Variants in CD300LG observed in about 807,000 individuals in gnomAD.
CD300LG encodes CD300 molecule like family member g, also known as CMRF35-like molecule 9.
CD300LG carries 29 observed loss-of-function variants against 31.5 expected under a neutral mutation model. That is an observed-to-expected ratio of 0.92 (90% CI 0.68 to 1.25). The LOEUF (loss-of-function observed/expected upper bound fraction) is 1.25, where lower values mean the gene tolerates loss of function less well. CD300LG is among the 50% of genes most tolerant of loss of function. The pLI is 0.00. For synonymous variants in CD300LG, 175 were observed against 177.2 expected, an observed-to-expected ratio of 0.99 and a Z score of 0.10; for missense variants, 396 against 417.6, an observed-to-expected ratio of 0.95 and a Z score of 0.45.
At chr17:43,854,390 G>C (rs1030779661) in intron 4 of CD300LG, among the ~76,000 whole-genome samples, 1 of 152,206 alleles carries the variant, frequency 6.6e-6, no homozygotes, top group Admixed American at 6.5e-5. Context: ...GAGTCCAAAA[G>C]AAAACAATTT....
intron 2 of CD300LG, 73 bp from the exon 3 acceptor site, chr17:43,852,839 C>T: frequency 4.0e-6 from 5 of 1,258,332 alleles, no homozygotes; most frequent in Non-Finnish European, 5.6e-6. Flanking sequence ...GGAAAACTGC[C>T]AGCTGCTCCC....
At chr17:43,851,783 C>G (rs1288784598) in intron 2 of CD300LG, among the ~76,000 whole-genome samples, 1 of 151,794 alleles carries the variant, frequency 6.6e-6, no homozygotes, top group East Asian at 1.9e-4. Context: ...TCTCGATCTC[C>G]TGACCTTGTG....
chr17:43,849,196 A>G (rs2046277954), intron 2 of CD300LG: 2 of 538,110 alleles, frequency 3.7e-6, no homozygotes, highest in Admixed American at 3.3e-5. Flanking sequence ...GGAGATTTCC[A>G]TAGGCTGGGT....
At position 43,853,873 on chromosome 17, in the gene CD300LG, C is replaced by G; in HGVS notation, c.548C>G (p.Pro183Arg). 3 of 1,614,148 alleles carry G rather than the reference C, an allele frequency of 1.9e-6. No homozygotes were observed. Among genetic ancestry groups the G allele is most frequent in the Admixed American group, 3.3e-5 (2 of 60,034 alleles). ...KQGKTGAEAP[P>R]LPGTSQYGHE... ...GGGAAGACAGGGGCTGAGGCCCCTC[C>G]ATTGCCAGGGACTTCCCAGTACGGG... is the stretch of plus-strand genomic sequence containing the variant. The change falls in exon 4 of 7, where the codon CCA becomes CGA. Residue 183 changes from proline to arginine, a missense_variant. Transcript: ENST00000317310.
chr17:43,858,496 T>A (rs2143404249), intron 6 of CD300LG: 1 of 985,364 alleles, frequency 1.0e-6, no homozygotes, highest in Non-Finnish European at 1.2e-6. Flanking sequence ...TTTTCCTGCC[T>A]GAGGCTCCTG....
chr17:43,855,352 G>T (rs1176533662), intron 5 of CD300LG, 33 bp downstream of exon 5: 1 of 1,374,716 alleles, frequency 7.3e-7, no homozygotes, highest in South Asian at 1.4e-5. Flanking sequence ...AAGGCGGGAG[G>T]CTCACTGGGC....
rs746452558 is a variant in CD300LG, at chr17:43,848,994, A to G, written c.379+101A>G. ...CCTGGTACCAACATTATGGGCACTG[A>G]GTCCTCAGGGAGATCATGCAGGTCA... On this transcript the variant is annotated intron_variant, in intron 2 of 6. Coordinates refer to ENST00000317310, the MANE Select transcript of CD300LG (RefSeq NM_145273.4). The G allele has an allele frequency of 5.1e-5, 53 of 1,046,986 alleles. No homozygotes were observed. The African/African-American group carries it at 5.4e-4, about 11-fold the overall frequency. The allele number at this position is 1,046,986 out of a possible 1,614,324, so 64.9% of individuals were successfully genotyped here. A position where few individuals can be genotyped will look rare whatever the true frequency, so the allele number is the denominator to read the frequency against.
chr17:43,861,792 T>C lies in CD300LG; in HGVS notation c.886-6T>C. The C allele has an allele frequency of 1.3e-6, 2 of 1,590,684 alleles. No individual in the cohort carries two copies. The highest frequency in any genetic ancestry group is 1.7e-6 in the Non-Finnish European group (2 of 1,168,964). ...TGCTCTCCAAACCCCACTGTTGTCTTTACAGACTGCGGAGGAAAAGGAAGC... is the reference window on the plus strand; with the variant it reads ...TGCTCTCCAAACCCCACTGTTGTCTCTACAGACTGCGGAGGAAAAGGAAGC... On this transcript the variant is annotated splice_polypyrimidine_tract_variant and splice_region_variant and intron_variant, in intron 6 of 6. Coordinates refer to ENST00000317310, the MANE Select transcript of CD300LG (RefSeq NM_145273.4).
At chr17:43,848,364 A>G (rs1229355747) in intron 1 of CD300LG, among the ~76,000 whole-genome samples, 194 bp from the exon 2 acceptor site, 1 of 152,208 alleles carries the variant, frequency 6.6e-6, no homozygotes, top group East Asian at 1.9e-4. Context: ...TCAATGGGCC[A>G]GGGTTAGGGA....
chr17:43,851,133 C>CAAAAAAAAAAAAAAAA (rs777282117), intron 2 of CD300LG, among the ~76,000 whole-genome samples: 1 of 40,614 alleles, frequency 2.5e-5, no homozygotes, highest in African/African-American at 9.3e-5. Context: ...GACTCAGTCT[C>CAAAAAAAAAAAAAAAA]AAAAAAAAAA....
Position 43,852,931 on chromosome 17 carries a change from C to T in CD300LG, c.399C>T (p.Ser133=), listed in dbSNP as rs1326946379. Residue 133 remains serine (S), a synonymous_variant, in exon 3 of 7, where the codon TCC becomes TCT. Coordinates refer to ENST00000317310, the MANE Select transcript of CD300LG (RefSeq NM_145273.4). The stretch of plus-strand genomic sequence containing the variant: ...CTCTAGGACCCTGCTGTCCTCCCTC[C>T]CCTTCTCCCACCTTCCAGCCTCTGG... ...FVFPGPCCPP[S]PSPTFQPLAT... is the part of the protein sequence containing the mutation. 1 of 1,612,712 alleles carries T rather than the reference C, an allele frequency of 6.2e-7. No individual in the cohort carries two copies.
chr17:43,860,829 A>G (rs377007634), intron 6 of CD300LG, among the ~76,000 whole-genome samples: 7 of 152,330 alleles, frequency 4.6e-5, no homozygotes, highest in African/African-American at 7.2e-5. Flanking sequence ...GTCATTCCAG[A>G]ATTTCTCATT....
intron 6 of CD300LG, chr17:43,858,232 T>C (rs2046580725): frequency 1.9e-6 from 2 of 1,080,956 alleles, no homozygotes; most frequent in African/African-American, 1.6e-5. Context: ...TGTTGTTGTC[T>C]CAGGAAGCTC....
At chr17:43,861,169 G>A in intron 6 of CD300LG, 1 of 985,370 alleles carries the variant, frequency 1.0e-6, no homozygotes, top group Non-Finnish European at 1.2e-6. Flanking sequence ...AGGACGCTGT[G>A]ATCAACCTTG....
chr17:43,857,672 C>T, intron 6 of CD300LG: 2 of 1,254,536 alleles, frequency 1.6e-6, no homozygotes, highest in Non-Finnish European at 2.2e-6. Context: ...TGTGCTTTTA[C>T]AAAAGATGAG....
chr17:43,861,920 G>A lies in CD300LG; in HGVS notation c.*9G>A. ...AGTTTGTCTCAGCGTAGGGCAGGAG[G>A]CCCTCCTGGCCAGGCCAGCAGTGAA... On this transcript the variant is annotated 3_prime_UTR_variant, in exon 7 of 7. Transcript: ENST00000317310. 6.3e-7 allele frequency: 1 copy of A among 1,588,560 alleles called. No homozygotes were observed. The highest frequency in any genetic ancestry group is 8.6e-7 in the Non-Finnish European group (1 of 1,166,452).
chr17:43,861,734 C>G (rs2046656820), intron 6 of CD300LG, 64 bp from the exon 7 acceptor site: 7 of 1,107,772 alleles, frequency 6.3e-6, no homozygotes, highest in Non-Finnish European at 8.9e-6. Context: ...CTGGGGACCA[C>G]CCCTCACACC....
At chr17:43,853,624 C>T (rs908861648) in intron 3 of CD300LG, among the ~76,000 whole-genome samples, 183 bp from the exon 4 acceptor site, 6 of 152,152 alleles carry the variant, frequency 3.9e-5, no homozygotes, top group East Asian at 1.9e-4. Context: ...GCCTGATCTA[C>T]GGTCTCCTTC....
At chr17:43,857,881 G>A in intron 6 of CD300LG, 1 of 1,537,050 alleles carries the variant, frequency 6.5e-7, no homozygotes, top group Non-Finnish European at 8.7e-7. Context: ...GTGCTCTGGG[G>A]ACCAGGGGCA....
Sources: gnomAD v4.1 joint callset for allele counts (sites outside exome capture counted in the v4.1 genomes callset) on GRCh38, gnomAD v4.1.1 for gene constraint, MANE v1.5 for transcripts, NCBI Gene and HGNC (gene_info 2026-07-23, HGNC 2026-07-21) for gene names.